Variants in ASPH observed in about 807,000 individuals in gnomAD.
ASPH encodes aspartate beta-hydroxylase.
ASPH carries 100 observed loss-of-function variants against 118.4 expected under a neutral mutation model. That is an observed-to-expected ratio of 0.84 (90% CI 0.72 to 1.00). ASPH has a LOEUF of 1.00. ASPH is among the 50% of genes least tolerant of loss of function. The pLI is 0.00. For missense variants in ASPH, 920 were observed against 919.5 expected, an observed-to-expected ratio of 1.00 and a Z score of -0.01; for synonymous variants, 315 against 325.6, an observed-to-expected ratio of 0.97 and a Z score of 0.35.
intron 14 of ASPH, among the ~76,000 whole-genome samples, chr8:61,589,934 T>C (rs1331301255): frequency 6.6e-6 from 1 of 152,146 alleles, no homozygotes; most frequent in African/African-American, 2.4e-5. Flanking sequence ...AACTAAAAAC[T>C]TCTGTATACC....
At chr8:61,556,168 T>A in intron 18 of ASPH, 146 bp from the exon 19 acceptor site, 1 of 656,698 alleles carries the variant, frequency 1.5e-6, no homozygotes, top group Admixed American at 2.8e-5. Flanking sequence ...AACACCATAG[T>A]ACTTTGTCTC....
intron 13 of ASPH, chr8:61,633,082 T>C (rs549943147): frequency 6.5e-6 from 1 of 155,028 alleles, no homozygotes; most frequent in Non-Finnish European, 1.4e-5. Flanking sequence ...CTAAAATGCA[T>C]TTGAAAGCAT....
intron 24 of ASPH, among the ~76,000 whole-genome samples, chr8:61,506,481 T>G (rs968451188): frequency 6.6e-6 from 1 of 152,204 alleles, no homozygotes; most frequent in Non-Finnish European, 1.5e-5. Flanking sequence ...AATTTTGTTA[T>G]GTGTATTTTA....
At chr8:61,674,286 G>A (rs1824129642) in intron 3 of ASPH, among the ~76,000 whole-genome samples, 1 of 152,128 alleles carries the variant, frequency 6.6e-6, no homozygotes, top group Admixed American at 6.5e-5. Context: ...TATGAAAGCA[G>A]AAGACACAAT....
intron 2 of ASPH, chr8:61,682,492 A>C: frequency 6.2e-7 from 1 of 1,611,226 alleles, no homozygotes. Context: ...GGCTGCATGC[A>C]TGTAAAAACA....
intron 11 of ASPH, 26 bp from the exon 12 acceptor site, chr8:61,638,029 C>G (rs781191367): frequency 1.3e-6 from 2 of 1,592,188 alleles, no homozygotes; most frequent in Non-Finnish European, 1.7e-6. Context: ...AAATCAGAAT[C>G]CATTACATGT....
At chr8:61,675,683 A>T in intron 3 of ASPH, 1 of 994,870 alleles carries the variant, frequency 1.0e-6, no homozygotes. Flanking sequence ...ATCCATTAGA[A>T]TCATCATAAT....
chr8:61,682,397 G>C, intron 2 of ASPH: 1 of 1,577,950 alleles, frequency 6.3e-7, no homozygotes, highest in Non-Finnish European at 8.7e-7. Flanking sequence ...AGCCATTAGA[G>C]AGTAACACAC....
At chr8:61,677,135 C>T (rs149464621) in intron 3 of ASPH, among the ~76,000 whole-genome samples, 36 of 152,266 alleles carry the variant, frequency 2.4e-4, no homozygotes, top group African/African-American at 7.7e-4. Flanking sequence ...CCAAATTCCT[C>T]TCCCCATGGG....
intron 21 of ASPH, among the ~76,000 whole-genome samples, chr8:61,543,933 T>C (rs977564106): frequency 1.3e-4 from 20 of 152,216 alleles, no homozygotes; most frequent in African/African-American, 4.6e-4. Context: ...TTTTGACTAA[T>C]AGCCTGGGAA....
chr8:61,505,480 C>A, intron 24 of ASPH, among the ~76,000 whole-genome samples: 1 of 117,606 alleles, frequency 8.5e-6, no homozygotes, highest in East Asian at 2.3e-4. Context: ...AGTGACAGAG[C>A]AAGACTCCAT....
Position 61,676,150 on chromosome 8 carries a change from A to G in ASPH, c.322+4818T>C. ...CATTCTGTGACGTACCATCAACACC[A>G]TCTGCGGTTTCGCTTTCTTCTTCTT... On this transcript the variant is annotated intron_variant, in intron 3 of 24. Coordinates refer to ENST00000379454, the MANE Select transcript of ASPH (RefSeq NM_004318.4). The G allele has an allele frequency of 1.9e-6, 3 of 1,599,458 alleles. No homozygotes were observed. In the South Asian group the frequency reaches 3.3e-5, roughly 18 times the overall value.
At chr8:61,546,366 T>A (rs188676708) in intron 21 of ASPH, among the ~76,000 whole-genome samples, 2 of 152,190 alleles carry the variant, frequency 1.3e-5, no homozygotes, top group East Asian at 3.9e-4. Flanking sequence ...AGTAGAGAAA[T>A]GAACTCACAA....
chr8:61,511,788 G>T (rs1004795759), intron 24 of ASPH, among the ~76,000 whole-genome samples: 1 of 152,134 alleles, frequency 6.6e-6, no homozygotes, highest in African/African-American at 2.4e-5. Flanking sequence ...ATTTTTAGTA[G>T]AGACTGGGTT....
intron 14 of ASPH, among the ~76,000 whole-genome samples, chr8:61,587,405 G>T (rs1839801680): frequency 6.6e-6 from 1 of 152,214 alleles, no homozygotes; most frequent in African/African-American, 2.4e-5. Flanking sequence ...TTGTAGAAGT[G>T]TCTATCAACA....
chr8:61,676,271 A>G, intron 3 of ASPH: 1 of 1,589,856 alleles, frequency 6.3e-7, no homozygotes, highest in Non-Finnish European at 8.5e-7. Context: ...AATATTAAGG[A>G]CTTCCTCAAG....
intron 3 of ASPH, 61 bp from the exon 4 acceptor site, chr8:61,653,721 C>T: frequency 1.3e-6 from 2 of 1,483,878 alleles, no homozygotes; most frequent in Non-Finnish European, 1.8e-6. Flanking sequence ...TCACATTAAA[C>T]CAGGAAAAAT....
chr8:61,517,520 A>G lies in ASPH; in HGVS notation c.2126+8T>C. On this transcript the variant is annotated splice_region_variant and intron_variant, in intron 24 of 24. Transcript: ENST00000379454. ...TGACGGATATGACGGATAACAGAGG[A>G]CCCATACTTGGTCTCGTTGGCACAT... The G allele has an allele frequency of 6.2e-7, 1 of 1,613,640 alleles. No homozygotes were observed. Among genetic ancestry groups the G allele is most frequent in the Non-Finnish European group, 8.5e-7 (1 of 1,179,642 alleles).
At chr8:61,566,235 C>T (rs1831631739) in intron 17 of ASPH, among the ~76,000 whole-genome samples, 1 of 152,092 alleles carries the variant, frequency 6.6e-6, no homozygotes, top group Non-Finnish European at 1.5e-5. Flanking sequence ...TGCTTCCAAC[C>T]CTCATTAATG....
Sources: allele counts gnomAD v4.1 joint callset (sites outside exome capture counted in the v4.1 genomes callset), GRCh38; gene constraint gnomAD v4.1.1; transcripts MANE v1.5; gene names NCBI Gene and HGNC (gene_info 2026-07-23, HGNC 2026-07-21).